The following LMO1 variants were observed in gnomAD, a reference collection of about 807,000 sequenced individuals.
LMO1 encodes the protein rhombotin-1.
Under a neutral mutation model 18.0 loss-of-function variants are expected in LMO1, and 10 were observed. The ratio of observed to expected loss-of-function variants is 0.55; its 90% confidence interval spans 0.34 to 0.94. The LOEUF (loss-of-function observed/expected upper bound fraction) is 0.94. LMO1 is among the 40% of genes least tolerant of loss of function. The probability of loss-of-function intolerance (pLI) is 0.02; values close to 1 mark genes in which losing one functional copy is unlikely to be tolerated. For synonymous variants in LMO1, 77 were observed against 77.9 expected (o/e 0.99, Z 0.06); for missense variants, 183 against 205.7 (o/e 0.89, Z 0.68).
chr11:8,252,370 C>T (rs947728808), intron 1 of LMO1, among the ~76,000 whole-genome samples: 1 of 152,176 alleles, frequency 6.6e-6, no homozygotes, highest in Non-Finnish European at 1.5e-5. Flanking sequence ...GAGGCATTCT[C>T]TCTGGAGGCA....
chr11:8,255,337 T>C (rs1373692180), intron 1 of LMO1, among the ~76,000 whole-genome samples: 1 of 152,098 alleles, frequency 6.6e-6, no homozygotes, highest in Non-Finnish European at 1.5e-5. Context: ...TGAAATCTCA[T>C]CTCTACAAAA....
Sources: allele counts gnomAD v4.1 joint callset (sites outside exome capture counted in the v4.1 genomes callset), GRCh38; gene constraint gnomAD v4.1.1; transcripts MANE v1.5; gene names NCBI Gene and HGNC (gene_info 2026-07-23, HGNC 2026-07-21).